Variants in ENAH observed in about 807,000 individuals in gnomAD.
ENAH encodes ENAH actin regulator.
Under a neutral mutation model 78.7 loss-of-function variants are expected in ENAH, and 23 were observed. The ratio of observed to expected loss-of-function variants is 0.29; its 90% CI spans 0.21 to 0.41. The LOEUF (loss-of-function observed/expected upper bound fraction) is 0.41, where lower values mean the gene tolerates loss of function less well. ENAH is among the 10% of genes least tolerant of loss of function. The pLI, the probability that ENAH is intolerant of heterozygous loss-of-function variation, is 1.00. For synonymous variants in ENAH, 226 were observed against 241.0 expected (o/e 0.94, Z 0.58); for missense variants, 544 against 691.0 (o/e 0.79, Z 2.39).
chr1:225,500,975 T>C lies in ENAH; in HGVS notation c.1617+17A>G, dbSNP rs773781024. ...GAAACAAGTACAAATAAAGGAAAGC[T>C]GCCACTGAGCACCCACCTGCTTCAG... is the stretch of plus-strand genomic sequence containing the variant. On this transcript the variant is annotated intron_variant, in intron 12 of 13. Coordinates refer to ENST00000366843, the MANE Select transcript of ENAH (RefSeq NM_018212.6). The C allele has an allele frequency of 6.2e-7, 1 of 1,610,744 alleles. No individual in the cohort carries two copies. Among genetic ancestry groups the C allele is most frequent in the East Asian group, 2.2e-5 (1 of 44,868 alleles).
At chr1:225,649,902 C>T (rs972946426) in intron 1 of ENAH, among the ~76,000 whole-genome samples, 7 of 152,200 alleles carry the variant, frequency 4.6e-5, no homozygotes, top group Middle Eastern at 3.2e-3. Context: ...CCTGTTCAGG[C>T]ATTCCTATTT....
intron 1 of ENAH, among the ~76,000 whole-genome samples, chr1:225,603,666 G>A (rs760360804): frequency 6.6e-6 from 1 of 152,154 alleles, no homozygotes; most frequent in Non-Finnish European, 1.5e-5. Context: ...CAAGTGCTAT[G>A]AGTCATGTTT....
intron 7 of ENAH, 138 bp downstream of exon 7, chr1:225,514,458 C>T (rs1051406754): frequency 1.2e-4 from 97 of 811,670 alleles, no homozygotes; most frequent in African/African-American, 2.6e-4. Context: ...TGAGCCATTG[C>T]GCCAGGGTAA....
At chr1:225,626,207 GCTCCAGCA>G (rs1332707384) in intron 1 of ENAH, among the ~76,000 whole-genome samples, 3 of 152,206 alleles carry the variant, frequency 2.0e-5, no homozygotes, top group Non-Finnish European at 2.9e-5. Flanking sequence ...AGCTGCCCTA[GCTCCAGCA>G]ACTCTCACTT....
At chr1:225,530,321 C>A (rs1212730594) in intron 4 of ENAH, among the ~76,000 whole-genome samples, 1 of 152,018 alleles carries the variant, frequency 6.6e-6, no homozygotes, top group Non-Finnish European at 1.5e-5. Context: ...TTTAAACATA[C>A]CTTAAGTATA....
At chr1:225,502,535 A>G (rs1382126072) in intron 11 of ENAH, among the ~76,000 whole-genome samples, 2 of 152,078 alleles carry the variant, frequency 1.3e-5, no homozygotes, top group Non-Finnish European at 2.9e-5. Flanking sequence ...ATCAAAACGT[A>G]TTACTGCTTA....
At chr1:225,590,029 GATA>G (rs963460936) in intron 1 of ENAH, among the ~76,000 whole-genome samples, 4 of 148,908 alleles carry the variant, frequency 2.7e-5, no homozygotes, top group Admixed American at 6.8e-5. Flanking sequence ...ACATATAAAT[GATA>G]ATAAAATTTG....
At chr1:225,540,373 T>C (rs1011863837) in intron 3 of ENAH, among the ~76,000 whole-genome samples, 4 of 152,206 alleles carry the variant, frequency 2.6e-5, no homozygotes, top group Non-Finnish European at 5.9e-5. Context: ...GATAGGTGTT[T>C]TTACTCTTTA....
At chr1:225,517,022 G>A (rs2096424291) in intron 6 of ENAH, among the ~76,000 whole-genome samples, 174 bp downstream of exon 6, 1 of 148,586 alleles carries the variant, frequency 6.7e-6, no homozygotes, top group Admixed American at 6.7e-5. Context: ...AATCCAACAG[G>A]AAAAACATTT....
intron 1 of ENAH, among the ~76,000 whole-genome samples, chr1:225,634,398 G>A (rs1362342228): frequency 6.6e-6 from 1 of 152,154 alleles, no homozygotes; most frequent in Non-Finnish European, 1.5e-5. Flanking sequence ...ATAAACATCT[G>A]GCAGTATGTA....
intron 2 of ENAH, among the ~76,000 whole-genome samples, chr1:225,561,763 T>A (rs992084876): frequency 3.3e-5 from 5 of 152,168 alleles, no homozygotes; most frequent in African/African-American, 1.2e-4. Context: ...ACCAGTGAGC[T>A]TGAGTCTAGA....
intron 3 of ENAH, among the ~76,000 whole-genome samples, chr1:225,540,796 T>C (rs2096585195): frequency 6.6e-6 from 1 of 152,064 alleles, no homozygotes; most frequent in Non-Finnish European, 1.5e-5. Context: ...CTTTTCACTA[T>C]ACACCACACT....
chr1:225,652,721 G>A lies in ENAH; in HGVS notation c.-31C>T. ...CGGCGGCGCAGAGGCTTCCCCACCA[G>A]CCGGGAGACGCAGAAGGCGCCGAGC... On this transcript the variant is annotated 5_prime_UTR_variant, in exon 1 of 14. Transcript: ENST00000366843. 7.6e-7 allele frequency: 1 copy of A among 1,316,222 alleles called. No individual in the cohort carries two copies. The highest frequency in any genetic ancestry group is 1.5e-5 in the African/African-American group (1 of 65,444). The allele number at this position is 1,316,222 out of a possible 1,614,324, so 81.5% of individuals were successfully genotyped here.
chr1:225,600,295 G>A (rs1245425970), intron 1 of ENAH, among the ~76,000 whole-genome samples: 3 of 152,112 alleles, frequency 2.0e-5, no homozygotes, highest in African/African-American at 7.2e-5. Flanking sequence ...TTGAGCCCAG[G>A]AGGTCAAGGT....
chr1:225,610,338 A>C (rs1481026728), intron 1 of ENAH, among the ~76,000 whole-genome samples: 2 of 152,152 alleles, frequency 1.3e-5, no homozygotes, highest in African/African-American at 4.8e-5. Context: ...AGTTTACTAG[A>C]GCTCAAAGAT....
At chr1:225,578,906 A>C (rs1352652030) in intron 1 of ENAH, among the ~76,000 whole-genome samples, 3 of 152,198 alleles carry the variant, frequency 2.0e-5, no homozygotes, top group African/African-American at 7.2e-5. Flanking sequence ...CAATTAAGTG[A>C]CATAAGCAGT....
chr1:225,560,911 A>C (rs544985807), intron 2 of ENAH, among the ~76,000 whole-genome samples: 2 of 152,370 alleles, frequency 1.3e-5, no homozygotes, highest in East Asian at 3.9e-4. Flanking sequence ...AAAATTACAT[A>C]AACTACTGTT....
intron 1 of ENAH, among the ~76,000 whole-genome samples, chr1:225,611,615 C>A (rs370600509): frequency 1.3e-5 from 2 of 152,008 alleles, no homozygotes; most frequent in African/African-American, 4.8e-5. Context: ...CTACCTTGCC[C>A]AGACAAAAAA....
At chr1:225,600,924 T>C (rs984880028) in intron 1 of ENAH, among the ~76,000 whole-genome samples, 9 of 152,128 alleles carry the variant, frequency 5.9e-5, no homozygotes, top group African/African-American at 2.2e-4. Context: ...TAAAGCTATA[T>C]GATGAGCAAA....
Sources: allele counts gnomAD v4.1 joint callset (sites outside exome capture counted in the v4.1 genomes callset), GRCh38; gene constraint gnomAD v4.1.1; transcripts MANE v1.5; gene names NCBI Gene and HGNC (gene_info 2026-07-23, HGNC 2026-07-21).